Variants in ITPR3 observed in about 807,000 individuals in gnomAD.
ITPR3 encodes inositol 1,4,5-trisphosphate-gated calcium channel ITPR3.
Under a neutral mutation model 293.2 loss-of-function variants are expected in ITPR3, and 173 were observed. The observed-to-expected ratio is 0.59, with a 90% CI of 0.52 to 0.67. The LOEUF is 0.67. ITPR3 is among the 30% of genes least tolerant of loss of function. The pLI is 0.00. For synonymous variants in ITPR3, 1,295 were observed against 1,444.4 expected (o/e 0.90, Z 2.35); for missense variants, 2,796 against 3,592.1 (o/e 0.78, Z 5.66).
chr6:33,647,781 G>A lies in ITPR3; in HGVS notation c.160+7227G>A, dbSNP rs115285152. On this transcript the variant is annotated intron_variant, in intron 2 of 57. Transcript: ENST00000605930. ...AGTCCCCCTGATGGACTCTTGGGCT[G>A]TTTCAAGTCTTTTATTATTCCTGTT... Among the ~76,000 whole-genome samples, 752 of 152,238 alleles carry A rather than the reference G, an allele frequency of 4.9e-3. 8 individuals are homozygous for A. The highest frequency in any genetic ancestry group is 0.017 in the African/African-American group (725 of 41,546).
At position 33,679,922 on chromosome 6, in the gene ITPR3, A is replaced by G. The variant is rs1441281895; in HGVS notation, c.4013A>G (p.Asp1338Gly). 1.2e-6 allele frequency: 2 copies of G among 1,613,674 alleles called. No individual in the cohort carries two copies. The highest frequency in any genetic ancestry group is 8.5e-7 in the Non-Finnish European group (1 of 1,179,990). Residue 1338 changes from aspartate (D) to glycine (G), a missense_variant, in exon 31 of 58, where the codon GAT (aspartate) becomes GGT (glycine). By Grantham distance (94) the Asp-to-Gly change is moderately conservative. Around this residue, in one of 8 missense-constraint regions of ITPR3, gnomAD observed 344 missense variants for 460.3 expected, o/e 0.75. Transcript: ENST00000605930. This position sits in a 1 kb window ranked among gnomAD's most constrained non-coding sequence, Gnocchi z 4.2. ...GACGATGTGGTCGTGTTCTACAATGATAAGGCATCGCTGGCCCACCTGCTG... is the reference window on the plus strand; with the variant it reads ...GACGATGTGGTCGTGTTCTACAATGGTAAGGCATCGCTGGCCCACCTGCTG... ...AGDDVVVFYNDKASLAHLLDM... is the reference protein window; with the variant it reads ...AGDDVVVFYNGKASLAHLLDM...
chr6:33,679,190 C>T lies in ITPR3; in HGVS notation c.3972+351C>T, dbSNP rs1561874709. On this transcript the variant is annotated intron_variant, in intron 30 of 57. Transcript: ENST00000605930. The surrounding 1 kb of genome is among the most constrained non-coding windows in gnomAD (Gnocchi z 4.2). ...CGGACTGTACATGCATGGGGGACAT[C>T]AGCTGAGTGTCAGCTCCTGGGGGGC... 6.6e-6 allele frequency among the ~76,000 whole-genome samples: 1 copy of T among 152,188 alleles called. No homozygotes were observed.
Position 33,687,603 on chromosome 6 carries a change from T to A in ITPR3, c.6264+39T>A. 1 of 1,451,110 alleles carries A rather than the reference T, an allele frequency of 6.9e-7. No individual in the cohort carries two copies. Among genetic ancestry groups the A allele is most frequent in the South Asian group, 1.2e-5 (1 of 85,442 alleles). The allele number at this position is 1,451,110 out of a possible 1,614,324, so 89.9% of individuals were successfully genotyped here. A position where few individuals can be genotyped will look rare whatever the true frequency, so the allele number is the denominator to read the frequency against. ...CCGAGACTGGGGTGGGGGTGGGGCCTGGAACCCAGGGAGGACACTTGACCC... is the reference window on the plus strand; with the variant it reads ...CCGAGACTGGGGTGGGGGTGGGGCCAGGAACCCAGGGAGGACACTTGACCC... On this transcript the variant is annotated intron_variant, in intron 46 of 57. Coordinates refer to ENST00000605930, the MANE Select transcript of ITPR3 (RefSeq NM_002224.4). The surrounding 1 kb of genome is among the most constrained non-coding windows in gnomAD (Gnocchi z 5.3).
At position 33,665,185 on chromosome 6, in the gene ITPR3, G is replaced by C; in HGVS notation, c.1381G>C (p.Glu461Gln). Residue 461 changes from glutamate (E) to glutamine (Q), a missense_variant, in exon 13 of 58, where the codon GAG becomes CAG. Around this residue, in one of 8 missense-constraint regions of ITPR3, gnomAD observed 955 missense variants for 1,180.8 expected, o/e 0.81. Coordinates refer to ENST00000605930, the MANE Select transcript of ITPR3 (RefSeq NM_002224.4). ...GGCCAGTGCCGTGGAGAAACTCAAC[G>C]AGGGCTTCATCAGCCAGAATGACCG... ...MLASAVEKLN[E>Q]GFISQNDRRF... The C allele has an allele frequency of 1.9e-6, 3 of 1,614,084 alleles. No individual in the cohort carries two copies. Among genetic ancestry groups the C allele is most frequent in the Non-Finnish European group, 2.5e-6 (3 of 1,179,978 alleles).
rs1416608985 is a variant in ITPR3 at position 33,633,856 on chromosome 6, G to T, written c.90-6628G>T. On this transcript the variant is annotated intron_variant, in intron 1 of 57. Transcript: ENST00000605930. The surrounding 1 kb of genome is among the most constrained non-coding windows in gnomAD (Gnocchi z 5.2). ...CGGGCGCGGGGCGGGGCCGGGCCGG[G>T]CCGGGGCGGGGCCAGGGAGGCCAGA... is the stretch of plus-strand genomic sequence containing the variant. Among the ~76,000 whole-genome samples, 15 of 147,574 alleles carry T rather than the reference G, an allele frequency of 1.0e-4. No individual in the cohort carries two copies. Among genetic ancestry groups the T allele is most frequent in the Non-Finnish European group, 1.5e-5 (1 of 66,308 alleles).
intron 56 of ITPR3, chr6:33,694,696 AACG>A: frequency 1.1e-5 from 6 of 547,454 alleles, no homozygotes; most frequent in Admixed American, 1.0e-4. Context: ...GACGCTGCCT[AACG>A]GAAGTCAGCC....
rs889858508 is a variant in ITPR3, at chr6:33,684,058, G to A, written c.4827G>A (p.Leu1609=). The stretch of plus-strand genomic sequence containing the variant: ...CCCTGGAGGAGCGGCTGAAGCCCCT[G>A]GTACAGGCTGAGCTGTCCGTGCTGG... ...ITALEERLKP[L]VQAELSVLVD... The change falls in exon 36 of 58, where the codon CTG becomes CTA. Residue 1609 remains leucine, a synonymous_variant. Coordinates refer to ENST00000605930, the MANE Select transcript of ITPR3 (RefSeq NM_002224.4). This position sits in a 1 kb window ranked among gnomAD's most constrained non-coding sequence, Gnocchi z 4.2. 1 of 1,611,372 alleles carries A rather than the reference G, an allele frequency of 6.2e-7. No individual in the cohort carries two copies. The highest frequency in any genetic ancestry group is 1.7e-5 in the Admixed American group (1 of 60,010).
chr6:33,658,104 T>C lies in ITPR3; in HGVS notation c.369+86T>C. ...GCTGGGTGAGGGCTGCCAGCAGGCATTGCCCTCTGTGCATGTGTGTCCCCG... is the reference window on the plus strand; with the variant it reads ...GCTGGGTGAGGGCTGCCAGCAGGCACTGCCCTCTGTGCATGTGTGTCCCCG... On this transcript the variant is annotated intron_variant, in intron 4 of 57. Transcript: ENST00000605930. This position sits in a 1 kb window ranked among gnomAD's most constrained non-coding sequence, Gnocchi z 6.1. 1 of 1,156,366 alleles carries C rather than the reference T, an allele frequency of 8.6e-7. No individual in the cohort carries two copies. Among genetic ancestry groups the C allele is most frequent in the Non-Finnish European group, 1.3e-6 (1 of 782,890 alleles). The allele number at this position is 1,156,366 out of a possible 1,614,324, so 71.6% of individuals were successfully genotyped here.
chr6:33,683,125 G>C lies in ITPR3; in HGVS notation c.4598-82G>C. On this transcript the variant is annotated intron_variant, in intron 34 of 57. Transcript: ENST00000605930. This position sits in a 1 kb window ranked among gnomAD's most constrained non-coding sequence, Gnocchi z 4.5. Reference sequence around the variant, plus strand: ...TTGGTCTAGTTCACTCTGTCTCCTGGTGTGGCAGCCCTGAGCCTGGCCTCT... The same window carrying C: ...TTGGTCTAGTTCACTCTGTCTCCTGCTGTGGCAGCCCTGAGCCTGGCCTCT... 9.4e-7 allele frequency: 1 copy of C among 1,064,196 alleles called. No homozygotes were observed. Among genetic ancestry groups the C allele is most frequent in the African/African-American group, 1.6e-5 (1 of 61,918 alleles). The allele number at this position is 1,064,196 out of a possible 1,614,324, so 65.9% of individuals were successfully genotyped here. A position where few individuals can be genotyped will look rare whatever the true frequency, so the allele number is the denominator to read the frequency against.
chr6:33,692,733 T>C lies in ITPR3; in HGVS notation c.7464T>C (p.Ser2488=). 1 of 1,614,014 alleles carries C rather than the reference T, an allele frequency of 6.2e-7. No individual in the cohort carries two copies. Among genetic ancestry groups the C allele is most frequent in the Non-Finnish European group, 8.5e-7 (1 of 1,179,974 alleles). ...CCCTGCCTCATCCCCTGCAGGAGTC[T>C]CTCTTCCCAGCCCGAGTGGTCTATG... The part of the protein sequence containing the change: ...DILRKPSKDE[S]LFPARVVYDL... Residue 2488 remains serine, a synonymous_variant, in exon 55 of 58, where the codon TCT becomes TCC. Coordinates refer to ENST00000605930, the MANE Select transcript of ITPR3 (RefSeq NM_002224.4). This position sits in a 1 kb window ranked among gnomAD's most constrained non-coding sequence, Gnocchi z 4.2.
Position 33,684,166 on chromosome 6 carries a change from C to G in ITPR3, c.4935C>G (p.Ser1645=), listed in dbSNP as rs774692219. 6.2e-7 allele frequency: 1 copy of G among 1,610,170 alleles called. No individual in the cohort carries two copies. ...YQRCESGGFL[S]KLIQHTKDLM... ...GCTGCGAGAGTGGGGGCTTCCTGTC[C>G]AAGTGAGCGAGACACTGGGGCATGG... Residue 1645 remains serine (S), a splice_region_variant and synonymous_variant, in exon 36 of 58, where the codon TCC becomes TCG. Coordinates refer to ENST00000605930, the MANE Select transcript of ITPR3 (RefSeq NM_002224.4). The surrounding 1 kb of genome is among the most constrained non-coding windows in gnomAD (Gnocchi z 4.2).
chr6:33,663,593 C>T (rs1436933935), intron 10 of ITPR3, 43 bp downstream of exon 10: 2 of 1,602,148 alleles, frequency 1.2e-6, no homozygotes, highest in African/African-American at 1.3e-5. Flanking sequence ...TGGGCCTGCC[C>T]TGGGGGTAGG....
chr6:33,695,044 G>A lies in ITPR3; in HGVS notation c.7906G>A (p.Val2636Met), dbSNP rs369740758. The stretch of plus-strand genomic sequence containing the variant: ...CAAGCTCAACTCCACCATGAAGCTG[G>A]TGTCCCACCTCACTGCCCAGCTCAA... Reference protein sequence around the residue: ...QDKLNSTMKLVSHLTAQLNEL... With the variant: ...QDKLNSTMKLMSHLTAQLNEL... The change falls in exon 57 of 58, where the codon GTG becomes ATG. Residue 2636 changes from valine to methionine, a missense_variant. Physicochemically the swap from Val to Met is conservative, Grantham distance 21. Around this residue, in one of 8 missense-constraint regions of ITPR3, gnomAD observed 568 missense variants for 796.1 expected, o/e 0.71. Coordinates refer to ENST00000605930, the MANE Select transcript of ITPR3 (RefSeq NM_002224.4). 44 of 1,613,938 alleles carry A rather than the reference G, an allele frequency of 2.7e-5. No individual in the cohort carries two copies. The highest frequency in any genetic ancestry group is 3.5e-5 in the Non-Finnish European group (41 of 1,180,024).
At chr6:33,671,631 C>A (rs1561869920) in intron 21 of ITPR3, among the ~76,000 whole-genome samples, 1 of 152,142 alleles carries the variant, frequency 6.6e-6, no homozygotes, top group Non-Finnish European at 1.5e-5. Context: ...GAGGGTTGAG[C>A]GGCAGCCCTG....
intron 1 of ITPR3, among the ~76,000 whole-genome samples, chr6:33,634,714 G>A (rs1396218879): frequency 6.6e-6 from 1 of 152,106 alleles, no homozygotes; most frequent in Non-Finnish European, 1.5e-5. Flanking sequence ...CTGTGCCAGC[G>A]TGGGCTCGGA....
At chr6:33,671,076 A>G (rs951894537) in intron 20 of ITPR3, 89 bp from the exon 21 acceptor site, 143 of 1,565,294 alleles carry the variant, frequency 9.1e-5, no homozygotes, top group Middle Eastern at 3.5e-4. Flanking sequence ...CTTTCGCCCT[A>G]GTTTCCCCAG....
rs904375008 is a variant in ITPR3, at chr6:33,695,845, T to A, written c.*65T>A. On this transcript the variant is annotated 3_prime_UTR_variant, in exon 58 of 58. Transcript: ENST00000605930. ...TGGAGACTGCGACTGGGAAGAACAC[T>A]GCCCCCTCCCTCGGGTTGGGTGGCC... 6.5e-7 allele frequency: 1 copy of A among 1,532,168 alleles called. No individual in the cohort carries two copies. Among genetic ancestry groups the A allele is most frequent in the Non-Finnish European group, 9.0e-7 (1 of 1,107,796 alleles). 94.9% of individuals were successfully genotyped at this position (1,532,168 alleles called of 1,614,324 possible). A position where few individuals can be genotyped will look rare whatever the true frequency, so the allele number is the denominator to read the frequency against.
rs766570884 is a variant in ITPR3 at position 33,676,924 on chromosome 6, A to G, written c.3439A>G (p.Lys1147Glu). The change falls in exon 26 of 58, where the codon AAG becomes GAG. Residue 1147 changes from lysine (K) to glutamate (E), a missense_variant. By Grantham distance (56) the Lys-to-Glu change is moderately conservative. Coordinates refer to ENST00000605930, the MANE Select transcript of ITPR3 (RefSeq NM_002224.4). ...GGTGGAGGCAGGCGCCGCCAAGGAC[A>G]AGAAAGAGGTAAGTGGGGCTCCAGG... ...EEVEAGAAKD[K>E]KERPTDEEGF... 4 of 1,614,030 alleles carry G rather than the reference A, an allele frequency of 2.5e-6. No individual in the cohort carries two copies. The highest frequency in any genetic ancestry group is 3.4e-6 in the Non-Finnish European group (4 of 1,179,952).
At chr6:33,650,674 A>G (rs1055075062) in intron 2 of ITPR3, among the ~76,000 whole-genome samples, 17 of 152,104 alleles carry the variant, frequency 1.1e-4, no homozygotes, top group African/African-American at 4.1e-4. Context: ...AAATATGTCC[A>G]GTGAGTTTTA....
Sources: allele counts gnomAD v4.1 joint callset (sites outside exome capture counted in the v4.1 genomes callset), GRCh38; gene constraint gnomAD v4.1.1; regional missense constraint gnomAD v4.1.1; non-coding constraint Gnocchi (gnomAD v3.1); transcripts MANE v1.5; gene names NCBI Gene and HGNC (gene_info 2026-07-23, HGNC 2026-07-21).